Variants in CCDC190 observed in about 807,000 individuals in gnomAD.
CCDC190 encodes the protein coiled-coil domain-containing protein 190.
Under a neutral mutation model 13.1 loss-of-function variants are expected in CCDC190, and 10 were observed. The observed-to-expected ratio is 0.77, with a 90% CI of 0.47 to 1.30. The LOEUF (loss-of-function observed/expected upper bound fraction) is 1.30. CCDC190 is among the 50% of genes most tolerant of loss of function. The pLI, the probability that CCDC190 is intolerant of heterozygous loss-of-function variation, is 0.00. For missense variants in CCDC190, 375 were observed against 354.3 expected, an observed-to-expected ratio of 1.06 and a Z score of -0.47; for synonymous variants, 136 against 127.2, an observed-to-expected ratio of 1.07 and a Z score of -0.47.
At position 162,851,490 on chromosome 1, in the gene CCDC190, C is replaced by G. The variant is rs1283184714; in HGVS notation, c.*3275G>C. The G allele has an allele frequency of 2.0e-5, 3 of 151,944 alleles. No individual in the cohort carries two copies. Among genetic ancestry groups the G allele is most frequent in the Non-Finnish European group, 2.9e-5 (2 of 68,032 alleles). The allele number at this position is 151,944 out of a possible 1,614,324, so 9.4% of individuals were successfully genotyped here. A position where few individuals can be genotyped will look rare whatever the true frequency, so the allele number is the denominator to read the frequency against. The stretch of plus-strand genomic sequence containing the variant: ...ATTTCACCCTGAGAGGAGCTGGTCC[C>G]TCCAGTGTTCATGGTAAAAACTTAC... On this transcript the variant is annotated 3_prime_UTR_variant, in exon 4 of 4. Coordinates refer to ENST00000367912, the MANE Select transcript of CCDC190 (RefSeq NM_001394065.1).
chr1:162,859,345 C>T, intron 2 of CCDC190, 115 bp downstream of exon 2: 1 of 941,812 alleles, frequency 1.1e-6, no homozygotes, highest in Non-Finnish European at 1.6e-6. Context: ...TGGCTGTGAT[C>T]AAAAGCTCTT....
rs1350636811 is a variant in CCDC190, at chr1:162,853,029, C to G, written c.*1736G>C. The G allele has an allele frequency of 1.6e-6, 2 of 1,220,248 alleles. No homozygotes were observed. The highest frequency in any genetic ancestry group is 2.0e-5 in the Admixed American group (1 of 49,098). 75.6% of individuals were successfully genotyped at this position (1,220,248 alleles called of 1,614,324 possible). A position where few individuals can be genotyped will look rare whatever the true frequency, so the allele number is the denominator to read the frequency against. On this transcript the variant is annotated 3_prime_UTR_variant, in exon 4 of 4. Coordinates refer to ENST00000367912, the MANE Select transcript of CCDC190 (RefSeq NM_001394065.1). Reference sequence around the variant, plus strand: ...GCAAATAAATTAAGTTTTTGTGAATCAATCAGTTCTGTCACTTATGGCCTG... The same window carrying G: ...GCAAATAAATTAAGTTTTTGTGAATGAATCAGTTCTGTCACTTATGGCCTG...
intron 1 of CCDC190, among the ~76,000 whole-genome samples, chr1:162,867,742 C>G (rs879933039): frequency 6.6e-6 from 1 of 152,098 alleles, no homozygotes; most frequent in Non-Finnish European, 1.5e-5. Context: ...CAATGGAATA[C>G]CACTCAGCAA....
rs1417444037 is a variant in CCDC190, at chr1:162,859,726, A to T, written c.-12-68T>A. ...ACTGGGATACTGACCCCGGCTTTTAATCAGAGATCAGTGGTAGAACCTGTG... is the reference window on the plus strand; with the variant it reads ...ACTGGGATACTGACCCCGGCTTTTATTCAGAGATCAGTGGTAGAACCTGTG... On this transcript the variant is annotated intron_variant, in intron 1 of 3. Transcript: ENST00000367912. The T allele has an allele frequency of 7.0e-6, 9 of 1,285,000 alleles. No homozygotes were observed. In the Admixed American group the frequency reaches 1.4e-4, roughly 21 times the overall value. 79.6% of individuals were successfully genotyped at this position (1,285,000 alleles called of 1,614,324 possible).
Position 162,853,291 on chromosome 1 carries a change from T to C in CCDC190, c.*1474A>G. On this transcript the variant is annotated 3_prime_UTR_variant, in exon 4 of 4. Coordinates refer to ENST00000367912, the MANE Select transcript of CCDC190 (RefSeq NM_001394065.1). ...GATCAAATGCTAGTCTGCCATCTAT[T>C]AGCAAGTTACCACCACTCTTCCCTC... 1.6e-6 allele frequency: 1 copy of C among 629,052 alleles called. No individual in the cohort carries two copies. Among genetic ancestry groups the C allele is most frequent in the Non-Finnish European group, 2.6e-6 (1 of 379,150 alleles). 39.0% of individuals were successfully genotyped at this position (629,052 alleles called of 1,614,324 possible).
In CCDC190 at chr1:162,853,716, G is replaced by A. The variant is rs1207272246; in HGVS notation, c.*1049C>T. On this transcript the variant is annotated 3_prime_UTR_variant, in exon 4 of 4. Transcript: ENST00000367912. The stretch of plus-strand genomic sequence containing the variant: ...AATAGGCCCTCAAGTTTATTCTTCT[G>A]GAATTAAAGTTTGTTATTGGGCTGA... Among the ~76,000 whole-genome samples, 1 of 152,062 alleles carries A rather than the reference G, an allele frequency of 6.6e-6. No homozygotes were observed. The highest frequency in any genetic ancestry group is 6.5e-5 in the Admixed American group (1 of 15,272).
At chr1:162,856,936 T>C (rs1014004053) in intron 2 of CCDC190, among the ~76,000 whole-genome samples, 1 of 152,166 alleles carries the variant, frequency 6.6e-6, no homozygotes, top group African/African-American at 2.4e-5. Context: ...GCAAGATCTG[T>C]TTTCTGAAAT....
Position 162,854,894 on chromosome 1 carries a change from C to A in CCDC190, c.777G>T (p.Arg259=), listed in dbSNP as rs749768117. The A allele has an allele frequency of 5.0e-6, 8 of 1,613,900 alleles. No individual in the cohort carries two copies. The African/African-American group carries it at 1.1e-4, about 22-fold the overall frequency. ...LSKARNAHYL[R]HRVPPESERL... Reference sequence around the variant, plus strand: ...TCTCAGACTCAGGGGGGACCCTGTGCCGGAGATAATGGGCATTTCTGGCCT... The same window carrying A: ...TCTCAGACTCAGGGGGGACCCTGTGACGGAGATAATGGGCATTTCTGGCCT... The change falls in exon 4 of 4, where the codon CGG becomes CGT. Residue 259 remains arginine, a synonymous_variant. Transcript: ENST00000367912.
chr1:162,862,839 GT>G (rs1650567690), upstream of CCDC190, among the ~76,000 whole-genome samples: 1 of 152,150 alleles, frequency 6.6e-6, no homozygotes, highest in African/African-American at 2.4e-5. Flanking sequence ...CACTCCAAGG[GT>G]TGGAGAAGGA....
chr1:162,867,201 C>A (rs893121665), intron 1 of CCDC190, among the ~76,000 whole-genome samples: 1 of 151,870 alleles, frequency 6.6e-6, no homozygotes, highest in Non-Finnish European at 1.5e-5. Context: ...CGCAAAAAAA[C>A]CTAACCAAAA....
chr1:162,855,124 C>T lies in CCDC190; in HGVS notation c.547G>A (p.Val183Ile), dbSNP rs1319843450. ...CCTTGTTCTATGGTGTTGGTGGAAA[C>T]CTCTTGATTTTGGCATGGAACAGAG... Reference protein sequence around the residue: ...GISVPCQNQEVSTNTIEQGPS... With the variant: ...GISVPCQNQEISTNTIEQGPS... Residue 183 changes from valine (V) to isoleucine (I), a missense_variant, in exon 4 of 4, where the codon GTT becomes ATT. Coordinates refer to ENST00000367912, the MANE Select transcript of CCDC190 (RefSeq NM_001394065.1). 1.5e-5 allele frequency: 25 copies of T among 1,613,768 alleles called. No homozygotes were observed. The highest frequency in any genetic ancestry group is 2.1e-5 in the Non-Finnish European group (25 of 1,179,846).
At chr1:162,857,437 G>C (rs888030892) in intron 2 of CCDC190, among the ~76,000 whole-genome samples, 2 of 152,132 alleles carry the variant, frequency 1.3e-5, no homozygotes, top group Non-Finnish European at 2.9e-5. Flanking sequence ...TTGGATTGGA[G>C]ACATTGGCTA....
chr1:162,855,817 A>C, intron 2 of CCDC190, 62 bp from the exon 3 acceptor site: 2 of 1,477,152 alleles, frequency 1.4e-6, no homozygotes, highest in Non-Finnish European at 1.8e-6. Context: ...TTTTATGCTC[A>C]AGTCCTAACC....
chr1:162,859,411 C>CT lies in CCDC190; in HGVS notation c.187+48_187+49insA, dbSNP rs757425040. 6.5e-6 allele frequency: 10 copies of CT among 1,543,446 alleles called. No homozygotes were observed. In the African/African-American group the frequency reaches 1.4e-4, roughly 21 times the overall value. On this transcript the variant is annotated intron_variant, in intron 2 of 3. Transcript: ENST00000367912. The stretch of plus-strand genomic sequence containing the variant: ...CCTCAGCGGAGTGATGGGCCTGCTG[C>CT]CCTGCTGTGCCTCTGGGGCATCCTC...
At chr1:162,859,315 G>T (rs1415156250) in intron 2 of CCDC190, 145 bp downstream of exon 2, 28 of 663,376 alleles carry the variant, frequency 4.2e-5, no homozygotes, top group Non-Finnish European at 6.2e-5. Context: ...GGACAAGGAA[G>T]GTTAGGCAGC....
At chr1:162,858,675 T>A (rs985726902) in intron 2 of CCDC190, among the ~76,000 whole-genome samples, 1 of 152,234 alleles carries the variant, frequency 6.6e-6, no homozygotes, top group African/African-American at 2.4e-5. Context: ...TAAGAAAGGA[T>A]GTAGTCTTCA....
intron 1 of CCDC190, among the ~76,000 whole-genome samples, chr1:162,867,871 T>G (rs77887097): frequency 0.022 from 3,291 of 152,254 alleles, 124 homozygotes; most frequent in African/African-American, 0.073. Context: ...TATTATAACA[T>G]GCACAATTAA....
At position 162,853,015 on chromosome 1, in the gene CCDC190, A is replaced by G; in HGVS notation, c.*1750T>C. On this transcript the variant is annotated 3_prime_UTR_variant, in exon 4 of 4. Transcript: ENST00000367912. ...CAGGCATGGCTGGTGCAAATAAATT[A>G]AGTTTTTGTGAATCAATCAGTTCTG... 1 of 1,090,902 alleles carries G rather than the reference A, an allele frequency of 9.2e-7. No homozygotes were observed. Among genetic ancestry groups the G allele is most frequent in the Non-Finnish European group, 1.4e-6 (1 of 732,154 alleles). The allele number at this position is 1,090,902 out of a possible 1,614,324, so 67.6% of individuals were successfully genotyped here.
chr1:162,854,859 C>G lies in CCDC190; in HGVS notation c.812G>C (p.Ser271Thr). The G allele has an allele frequency of 6.2e-7, 1 of 1,614,026 alleles. No individual in the cohort carries two copies. The highest frequency in any genetic ancestry group is 8.5e-7 in the Non-Finnish European group (1 of 1,179,890). ...RVPPESERLL[S>T]IGEIFGHGES... Reference sequence around the variant, plus strand: ...CCCATGCCCAAATATCTCTCCAATGCTAAGCAACCTCTCAGACTCAGGGGG... The same window carrying G: ...CCCATGCCCAAATATCTCTCCAATGGTAAGCAACCTCTCAGACTCAGGGGG... Residue 271 changes from serine to threonine, a missense_variant, in exon 4 of 4, where the codon AGC becomes ACC. Ser to Thr is a moderately conservative substitution (Grantham distance 58). Coordinates refer to ENST00000367912, the MANE Select transcript of CCDC190 (RefSeq NM_001394065.1).
Sources: gnomAD v4.1 joint callset for allele counts (sites outside exome capture counted in the v4.1 genomes callset) on GRCh38, gnomAD v4.1.1 for gene constraint, MANE v1.5 for transcripts, NCBI Gene and HGNC (gene_info 2026-07-23, HGNC 2026-07-21) for gene names.